The following DAB1 variants were observed in gnomAD, a reference collection of about 807,000 sequenced individuals.
DAB1 encodes the protein disabled homolog 1.
In DAB1, 15 loss-of-function variants were observed where a neutral mutation model predicts 64.6. The ratio of observed to expected loss-of-function variants is 0.23; its 90% CI spans 0.16 to 0.36. The LOEUF (loss-of-function observed/expected upper bound fraction) is 0.36. Ranked by LOEUF, DAB1 falls within the 10% of genes least tolerant of loss-of-function variation. The pLI is 1.00. For synonymous variants in DAB1, 235 were observed against 251.9 expected (o/e 0.93, Z 0.64); for missense variants, 596 against 706.7 (o/e 0.84, Z 1.78).
intron 7 of DAB1, among the ~76,000 whole-genome samples, chr1:57,614,918 T>C (rs1227345773): frequency 7.2e-6 from 1 of 138,354 alleles, no homozygotes; most frequent in East Asian, 2.3e-4. Context: ...TCGCCCAGGC[T>C]AGAGTGCAGT....
chr1:58,379,538 T>C (rs1644368632), intron 3 of DAB1, among the ~76,000 whole-genome samples: 1 of 152,248 alleles, frequency 6.6e-6, no homozygotes, highest in African/African-American at 2.4e-5. Context: ...GTTAACATTA[T>C]TTCTAATAAC....
chr1:58,127,552 G>A (rs1240641276), intron 5 of DAB1, among the ~76,000 whole-genome samples: 10 of 151,966 alleles, frequency 6.6e-5, no homozygotes, highest in African/African-American at 2.4e-4. Flanking sequence ...TGTCCTGAAT[G>A]GTAATGCCTA....
At position 57,849,283 on chromosome 1, in the gene DAB1, G is replaced by T. The variant is rs572512881; in HGVS notation, n.88-22828C>A. On this transcript the variant is annotated intron_variant and non_coding_transcript_variant, in intron 1 of 1. Coordinates refer to the DAB1 transcript ENST00000477280. Reference sequence around the variant, plus strand: ...ACACCAAATGCATGAAGAAGGTGCTGCCCTGTCTGCTCCTTGGCCTCTATC... The same window carrying T: ...ACACCAAATGCATGAAGAAGGTGCTTCCCTGTCTGCTCCTTGGCCTCTATC... 3.9e-5 allele frequency among the ~76,000 whole-genome samples: 6 copies of T among 152,304 alleles called. No homozygotes were observed. The East Asian group carries it at 1.2e-3, about 29-fold the overall frequency.
At chr1:58,076,474 T>C (rs1398225192) in intron 5 of DAB1, among the ~76,000 whole-genome samples, 1 of 152,168 alleles carries the variant, frequency 6.6e-6, no homozygotes, top group Non-Finnish European at 1.5e-5. Context: ...CCATGTCTAG[T>C]ATCCTCCCTA....
chr1:57,906,190 C>T (rs1644548412), intron 5 of DAB1, among the ~76,000 whole-genome samples: 1 of 152,086 alleles, frequency 6.6e-6, no homozygotes, highest in African/African-American at 2.4e-5. Flanking sequence ...CCCCAGCAGC[C>T]ATTGTGTATG....
chr1:57,225,610 C>A (rs965207791), intron 2 of DAB1, among the ~76,000 whole-genome samples: 5 of 152,068 alleles, frequency 3.3e-5, no homozygotes, highest in Non-Finnish European at 7.4e-5. Context: ...TAAGAGATGA[C>A]AACAGATAAA....
At chr1:57,518,815 G>T (rs887024641) in intron 7 of DAB1, among the ~76,000 whole-genome samples, 4 of 152,160 alleles carry the variant, frequency 2.6e-5, no homozygotes, top group Admixed American at 1.3e-4. Context: ...TGGGAAGCCT[G>T]CCTGCTCTTT....
intron 4 of DAB1, among the ~76,000 whole-genome samples, chr1:57,129,275 T>A (rs1358025552): frequency 6.6e-6 from 1 of 152,130 alleles, no homozygotes; most frequent in Non-Finnish European, 1.5e-5. Flanking sequence ...TGGAGGCAGG[T>A]TCCTGACAGT....
chr1:57,523,266 A>C (rs1644551724), intron 7 of DAB1, among the ~76,000 whole-genome samples: 1 of 152,192 alleles, frequency 6.6e-6, no homozygotes, highest in Admixed American at 6.5e-5. Flanking sequence ...ACAGAGAAAT[A>C]GATTGGTTCC....
At chr1:57,746,569 A>G (rs770483131) in intron 6 of DAB1, among the ~76,000 whole-genome samples, 1 of 151,988 alleles carries the variant, frequency 6.6e-6, no homozygotes. Flanking sequence ...TCTGCAGGAG[A>G]TTGGTTCCAG....
chr1:58,288,733 C>T lies in DAB1; in HGVS notation n.309+54619G>A, dbSNP rs1661750026. 2.0e-5 allele frequency among the ~76,000 whole-genome samples: 3 copies of T among 152,104 alleles called. No homozygotes were observed. The South Asian group carries it at 6.2e-4, about 32-fold the overall frequency. On this transcript the variant is annotated intron_variant and non_coding_transcript_variant, in intron 4 of 20. Transcript: ENST00000485760. ...CCCTCTTCTCCTTATATTTTTGCTT[C>T]CCATTTAAAAGACCCATTGCAGTTA...
intron 3 of DAB1, among the ~76,000 whole-genome samples, chr1:57,140,152 A>G (rs974876525): frequency 6.6e-6 from 1 of 152,126 alleles, no homozygotes; most frequent in African/African-American, 2.4e-5. Flanking sequence ...AGTCAAAAGA[A>G]GTGGATATAG....
At chr1:57,401,498 C>G (rs1159724222) in intron 1 of DAB1, among the ~76,000 whole-genome samples, 1 of 152,140 alleles carries the variant, frequency 6.6e-6, no homozygotes. Flanking sequence ...ACAGTAGGAA[C>G]AGGGATGGAG....
chr1:57,105,421 T>A (rs973539912), intron 4 of DAB1, among the ~76,000 whole-genome samples: 3 of 151,368 alleles, frequency 2.0e-5, no homozygotes, highest in African/African-American at 7.2e-5. Context: ...GTATTTTCCA[T>A]CCCCCTGTTG....
intron 3 of DAB1, among the ~76,000 whole-genome samples, chr1:58,434,637 T>G (rs1413481041): frequency 6.6e-6 from 1 of 152,200 alleles, no homozygotes; most frequent in African/African-American, 2.4e-5. Context: ...ATAGATGGCA[T>G]TTAATGCCAT....
intron 3 of DAB1, among the ~76,000 whole-genome samples, chr1:58,490,973 A>AT (rs1046644393): frequency 6.0e-5 from 9 of 151,002 alleles, no homozygotes; most frequent in African/African-American, 2.2e-4. Context: ...GCCCGGCTAA[A>AT]TTTTTTTGTA....
At chr1:57,477,330 T>C (rs1643951262) in intron 7 of DAB1, among the ~76,000 whole-genome samples, 1 of 152,128 alleles carries the variant, frequency 6.6e-6, no homozygotes, top group Non-Finnish European at 1.5e-5. Flanking sequence ...ACTTACCCTG[T>C]TTATAGTGTA....
At chr1:57,558,238 G>A (rs1645012911) in intron 7 of DAB1, among the ~76,000 whole-genome samples, 1 of 152,186 alleles carries the variant, frequency 6.6e-6, no homozygotes, top group African/African-American at 2.4e-5. Flanking sequence ...GAGCCATGCT[G>A]CCAACAGCTT....
chr1:57,668,648 G>A (rs1264895159), intron 6 of DAB1, among the ~76,000 whole-genome samples: 1 of 152,062 alleles, frequency 6.6e-6, no homozygotes, highest in Non-Finnish European at 1.5e-5. Context: ...AGCCTGTTCT[G>A]TGAAACATCA....
Sources: allele counts gnomAD v4.1 joint callset (sites outside exome capture counted in the v4.1 genomes callset), GRCh38; gene constraint gnomAD v4.1.1; transcripts MANE v1.5; gene names NCBI Gene and HGNC (gene_info 2026-07-23, HGNC 2026-07-21).